The following PDE4D variants were observed in gnomAD, a reference collection of about 807,000 sequenced individuals.
The protein encoded by PDE4D is 3',5'-cyclic-AMP phosphodiesterase 4D.
PDE4D carries 24 observed loss-of-function variants against 87.4 expected under a neutral mutation model. That is an observed-to-expected ratio of 0.27 (90% CI 0.20 to 0.39). The LOEUF (loss-of-function observed/expected upper bound fraction) is 0.39, where lower values mean the gene tolerates loss of function less well. Ranked by LOEUF, PDE4D falls within the 10% of genes least tolerant of loss-of-function variation. PDE4D has a pLI of 1.00. For synonymous variants in PDE4D, 384 were observed against 383.2 expected (o/e 1.00, Z -0.02); for missense variants, 714 against 1,041.0 (o/e 0.69, Z 4.32).
chr5:60,029,827 G>A (rs544949906), intron 2 of PDE4D, among the ~76,000 whole-genome samples: 2 of 152,240 alleles, frequency 1.3e-5, no homozygotes, highest in African/African-American at 4.8e-5. Context: ...TGGTGGTGGT[G>A]ATGGTGATGA....
intron 1 of PDE4D, among the ~76,000 whole-genome samples, chr5:60,239,561 C>T (rs1389482113): frequency 1.1e-4 from 16 of 152,084 alleles, no homozygotes; most frequent in Admixed American, 1.0e-3. Context: ...AGTCATTCTG[C>T]TTTAAGTATA....
chr5:59,379,695 A>C (rs1785401299), intron 1 of PDE4D, among the ~76,000 whole-genome samples: 1 of 152,122 alleles, frequency 6.6e-6, no homozygotes, highest in Admixed American at 6.6e-5. Context: ...AAATACATAG[A>C]ATATACCTAG....
chr5:60,447,597 A>C (rs990967333), intron 1 of PDE4D, among the ~76,000 whole-genome samples: 12 of 152,140 alleles, frequency 7.9e-5, no homozygotes, highest in African/African-American at 2.9e-4. Flanking sequence ...GTGTTTAACA[A>C]GGGAAGTTAT....
intron 1 of PDE4D, among the ~76,000 whole-genome samples, chr5:59,371,932 C>G (rs1241036938): frequency 2.0e-5 from 3 of 152,158 alleles, no homozygotes; most frequent in African/African-American, 4.8e-5. Context: ...CTACTGGACT[C>G]TGAACCTCCT....
intron 3 of PDE4D, among the ~76,000 whole-genome samples, chr5:59,947,988 C>G (rs943486441): frequency 6.6e-6 from 1 of 152,156 alleles, no homozygotes; most frequent in Non-Finnish European, 1.5e-5. Context: ...GCCTGGGTGA[C>G]AGAGCAAGAC....
chr5:59,746,858 A>G lies in PDE4D; in HGVS notation c.455+146310T>C, dbSNP rs1580840601. Reference sequence around the variant, plus strand: ...CCCTAGTGAAGTAGGAGTCTTTCTCATTCTTCTCTGCTGCTTCCAGACCAT... The same window carrying G: ...CCCTAGTGAAGTAGGAGTCTTTCTCGTTCTTCTCTGCTGCTTCCAGACCAT... On this transcript the variant is annotated intron_variant, in intron 1 of 14. Coordinates refer to ENST00000340635, the MANE Select transcript of PDE4D (RefSeq NM_001104631.2). Among the ~76,000 whole-genome samples the G allele has an allele frequency of 2.6e-5, 4 of 151,428 alleles. No individual in the cohort carries two copies. The South Asian group carries it at 8.3e-4, about 32-fold the overall frequency.
In PDE4D at chr5:59,134,871, A is replaced by T. The variant is rs145093673; in HGVS notation, c.808+45724T>A. ...CCAAATGTATGAGCTCTAGGTTGTT[A>T]TTCAGGGTTCTTTCATCCTCATTTT... On this transcript the variant is annotated intron_variant, in intron 5 of 14. Transcript: ENST00000340635. Among the ~76,000 whole-genome samples the T allele has an allele frequency of 6.7e-3, 1,021 of 152,258 alleles. 1 individual carries two copies. The highest frequency in any genetic ancestry group is 8.9e-3 in the Admixed American group (136 of 15,288).
chr5:59,510,931 C>T (rs555323607), intron 1 of PDE4D, among the ~76,000 whole-genome samples: 2 of 151,848 alleles, frequency 1.3e-5, no homozygotes, highest in South Asian at 2.1e-4. Flanking sequence ...ATCCAAGTAC[C>T]GGTGATCGTA....
At chr5:60,070,497 G>A (rs770440369) in intron 2 of PDE4D, among the ~76,000 whole-genome samples, 1 of 151,904 alleles carries the variant, frequency 6.6e-6, no homozygotes. Context: ...GGAATTTCAC[G>A]TTAATTTTTA....
At chr5:59,556,709 T>C (rs1192698985) in intron 1 of PDE4D, among the ~76,000 whole-genome samples, 1 of 152,234 alleles carries the variant, frequency 6.6e-6, no homozygotes, top group Non-Finnish European at 1.5e-5. Context: ...GGAAGCACTA[T>C]GACTCTTATT....
intron 3 of PDE4D, among the ~76,000 whole-genome samples, chr5:59,904,743 G>A (rs1453567977): frequency 6.6e-6 from 1 of 152,074 alleles, no homozygotes; most frequent in Non-Finnish European, 1.5e-5. Context: ...AGGTACCTGG[G>A]GAACACTCAT....
At chr5:59,230,077 G>A (rs1405162531) in intron 1 of PDE4D, among the ~76,000 whole-genome samples, 2 of 152,256 alleles carry the variant, frequency 1.3e-5, no homozygotes, top group South Asian at 2.1e-4. Context: ...GTGAGCCACC[G>A]TACCCAGCTG....
chr5:60,490,008 C>G (rs972430458), upstream of PDE4D: 1 of 152,188 alleles, frequency 6.6e-6, no homozygotes, highest in Non-Finnish European at 1.5e-5. Context: ...TGTCCAAGAC[C>G]GTCACCAGCA....
intron 1 of PDE4D, among the ~76,000 whole-genome samples, chr5:59,599,362 C>T (rs904120678): frequency 2.0e-5 from 3 of 151,478 alleles, no homozygotes; most frequent in African/African-American, 7.3e-5. Flanking sequence ...GCTGGGATTA[C>T]AGGCACCACC....
At chr5:60,336,902 T>A (rs1757799038) in intron 1 of PDE4D, among the ~76,000 whole-genome samples, 1 of 152,206 alleles carries the variant, frequency 6.6e-6, no homozygotes, top group Non-Finnish European at 1.5e-5. Flanking sequence ...AAATACATGT[T>A]ATTTTAATTT....
At chr5:60,342,178 G>A (rs943021824) in intron 1 of PDE4D, among the ~76,000 whole-genome samples, 3 of 152,100 alleles carry the variant, frequency 2.0e-5, no homozygotes, top group Admixed American at 6.6e-5. Context: ...TAATCAAAAG[G>A]CTCATTTCTT....
chr5:58,985,381 C>CA (rs565818217), intron 11 of PDE4D, among the ~76,000 whole-genome samples: 7 of 152,314 alleles, frequency 4.6e-5, no homozygotes, highest in Non-Finnish European at 7.3e-5. Context: ...GAACCTCCAG[C>CA]ATGCTTTCAA....
At chr5:59,725,167 G>T (rs1198439946) in intron 1 of PDE4D, among the ~76,000 whole-genome samples, 4 of 151,906 alleles carry the variant, frequency 2.6e-5, no homozygotes, top group Non-Finnish European at 5.9e-5. Context: ...GCCCGGGGGG[G>T]ATAAATACCC....
At chr5:59,915,238 G>A (rs1561856138) in intron 3 of PDE4D, among the ~76,000 whole-genome samples, 1 of 152,142 alleles carries the variant, frequency 6.6e-6, no homozygotes, top group Non-Finnish European at 1.5e-5. Flanking sequence ...GTCAGTCAAT[G>A]GATGACCAGC....
Sources: gnomAD v4.1 joint callset for allele counts (sites outside exome capture counted in the v4.1 genomes callset) on GRCh38, gnomAD v4.1.1 for gene constraint, MANE v1.5 for transcripts, NCBI Gene and HGNC (gene_info 2026-07-23, HGNC 2026-07-21) for gene names.